Variants in EVC2 observed in about 807,000 individuals in gnomAD.
EVC2 encodes the protein EvC ciliary complex subunit 2.
Under a neutral mutation model 149.3 loss-of-function variants are expected in EVC2, and 148 were observed. That is an observed-to-expected ratio of 0.99 (90% confidence interval 0.87 to 1.14). The LOEUF is 1.14. EVC2 is among the 50% of genes most tolerant of loss of function. EVC2 has a pLI of 0.00. For missense variants in EVC2, 1,854 were observed against 1,627.3 expected (o/e 1.14, Z -2.40); for synonymous variants, 776 against 649.9 (o/e 1.19, Z -2.95).
intron 20 of EVC2, among the ~76,000 whole-genome samples, chr4:5,566,113 G>C (rs1388944665): frequency 6.6e-6 from 1 of 152,264 alleles, no homozygotes; most frequent in Non-Finnish European, 1.5e-5. Context: ...AAATACAGAA[G>C]TTGGGAAAGT....
At chr4:5,647,229 G>A (rs1476115357) in intron 9 of EVC2, among the ~76,000 whole-genome samples, 1 of 152,128 alleles carries the variant, frequency 6.6e-6, no homozygotes, top group Non-Finnish European at 1.5e-5. Flanking sequence ...AGCCTTCTGG[G>A]TAGATGAGGC....
At chr4:5,564,277 C>T (rs1722133289) in intron 21 of EVC2, among the ~76,000 whole-genome samples, 1 of 152,242 alleles carries the variant, frequency 6.6e-6, no homozygotes, top group African/African-American at 2.4e-5. Context: ...GTGGGACCAT[C>T]ATGTCTCTTG....
the EVC2 span, among the ~76,000 whole-genome samples, chr4:5,529,653 G>A: frequency 6.3e-3 from 960 of 152,224 alleles, 2 homozygotes; most frequent in Middle Eastern, 0.014. The surrounding 1 kb of genome is among the most constrained non-coding windows in gnomAD (Gnocchi z 4.5). Flanking sequence ...AAATACATTG[G>A]AAGCTTAATA....
At chr4:5,606,518 C>T (rs1488540256) in intron 16 of EVC2, among the ~76,000 whole-genome samples, 1 of 152,124 alleles carries the variant, frequency 6.6e-6, no homozygotes, top group African/African-American at 2.4e-5. Context: ...AAACTGATTC[C>T]AGGTAATTCA....
chr4:5,647,532 C>T (rs1233404103), intron 9 of EVC2, among the ~76,000 whole-genome samples: 1 of 152,156 alleles, frequency 6.6e-6, no homozygotes, highest in Non-Finnish European at 1.5e-5. Flanking sequence ...GAGCGCTTTG[C>T]AGGTTACAAA....
intron 11 of EVC2, among the ~76,000 whole-genome samples, 155 bp downstream of exon 11, chr4:5,631,638 C>T (rs1192186345): frequency 6.6e-6 from 1 of 152,062 alleles, no homozygotes; most frequent in African/African-American, 2.4e-5. Context: ...CACCATTTTC[C>T]CTGCTTACTG....
Position 5,691,249 on chromosome 4 carries a change from A to T in EVC2, c.519+16T>A, listed in dbSNP as rs1322245052. ...ATTATTTTCTCTTCAAATATACACC[A>T]CCAGTGGAAACTTACCAGTGCACAT... On this transcript the variant is annotated intron_variant, in intron 4 of 21. Transcript: ENST00000344408. 8 of 1,608,772 alleles carry T rather than the reference A, an allele frequency of 5.0e-6. No individual in the cohort carries two copies. Among genetic ancestry groups the T allele is most frequent in the Non-Finnish European group, 6.8e-6 (8 of 1,175,254 alleles).
chr4:5,612,802 G>C (rs917037711), intron 16 of EVC2, among the ~76,000 whole-genome samples: 20 of 151,580 alleles, frequency 1.3e-4, no homozygotes, highest in African/African-American at 4.6e-4. Flanking sequence ...GGCGCCTGTA[G>C]TCCCAGCTAC....
Position 5,633,325 on chromosome 4 carries a change from G to A in EVC2, c.1471-1293C>T, listed in dbSNP as rs1716686633. On this transcript the variant is annotated intron_variant, in intron 10 of 21. Coordinates refer to ENST00000344408, the MANE Select transcript of EVC2 (RefSeq NM_147127.5). This position sits in a 1 kb window ranked among gnomAD's most constrained non-coding sequence, Gnocchi z 4.4. ...CCAGCCTGCAACATCCTGAGCATAG[G>A]TCACAGTGAAGCTGTGCCCAGACTC... is the stretch of plus-strand genomic sequence containing the variant. 6.6e-6 allele frequency among the ~76,000 whole-genome samples: 1 copy of A among 152,210 alleles called. No individual in the cohort carries two copies. Among genetic ancestry groups the A allele is most frequent in the African/African-American group, 2.4e-5 (1 of 41,462 alleles).
chr4:5,680,742 T>C (rs948055345), intron 7 of EVC2, among the ~76,000 whole-genome samples: 2 of 152,246 alleles, frequency 1.3e-5, no homozygotes, highest in Non-Finnish European at 2.9e-5. Flanking sequence ...CTTAGAATGC[T>C]TGGCACCCAG....
Position 5,681,312 on chromosome 4 carries a change from T to C in EVC2, c.818A>G (p.Asn273Ser). 2 of 1,614,190 alleles carry C rather than the reference T, an allele frequency of 1.2e-6. No homozygotes were observed. The highest frequency in any genetic ancestry group is 8.5e-7 in the Non-Finnish European group (1 of 1,180,032). ...AAAAAGCACTTTCAGCTGTGTTCTG[T>C]TCTAGAAAAGGAAAAAAGAAAACAC... Reference protein sequence around the residue: ...AQLTFQSSSRNRTQLKVLFSI... With the variant: ...AQLTFQSSSRSRTQLKVLFSI... The change falls in exon 7 of 22, where the codon AAC becomes AGC. Residue 273 changes from asparagine to serine, a missense_variant and splice_region_variant. Transcript: ENST00000344408.
At chr4:5,695,220 C>T (rs554878483) in intron 2 of EVC2, among the ~76,000 whole-genome samples, 31 of 151,946 alleles carry the variant, frequency 2.0e-4, no homozygotes, top group South Asian at 4.2e-4. Flanking sequence ...AGGTGGTGTG[C>T]GCCTGTAGTC....
intron 9 of EVC2, among the ~76,000 whole-genome samples, chr4:5,652,234 C>T (rs534364621): frequency 3.3e-5 from 5 of 152,118 alleles, no homozygotes; most frequent in Non-Finnish European, 7.4e-5. Context: ...TGGAGAGCTC[C>T]AGGAGGGAGA....
chr4:5,554,747 C>A lies in EVC2; in HGVS notation c.3419+10511G>T, dbSNP rs186291174. 3.2e-3 allele frequency among the ~76,000 whole-genome samples: 488 copies of A among 152,252 alleles called. 2 individuals carry two copies. Among genetic ancestry groups the A allele is most frequent in the African/African-American group, 0.011 (466 of 41,546 alleles). ...ACATTAAGTCTATCATAGCCAGAAG[C>A]CCTTCCAGAGTATTTTGAAGCCAAT... is the stretch of plus-strand genomic sequence containing the variant. On this transcript the variant is annotated intron_variant and NMD_transcript_variant, in intron 21 of 22. Transcript: ENST00000475313.
chr4:5,665,854 C>G (rs1247032175), intron 7 of EVC2, among the ~76,000 whole-genome samples: 1 of 152,220 alleles, frequency 6.6e-6, no homozygotes, highest in Non-Finnish European at 1.5e-5. Flanking sequence ...GCATGACAAG[C>G]CTGTCAAAGA....
Position 5,640,855 on chromosome 4 carries a change from T to G in EVC2, c.1146-17A>C. 1 of 1,613,932 alleles carries G rather than the reference T, an allele frequency of 6.2e-7. No homozygotes were observed. The highest frequency in any genetic ancestry group is 8.5e-7 in the Non-Finnish European group (1 of 1,179,886). ...ATCTCCAACCTAGGAAACACAAAAATCAAAAGAATTCCATTACATGAAATT... is the reference window on the plus strand; with the variant it reads ...ATCTCCAACCTAGGAAACACAAAAAGCAAAAGAATTCCATTACATGAAATT... On this transcript the variant is annotated splice_polypyrimidine_tract_variant and intron_variant, in intron 9 of 21. Transcript: ENST00000344408. This position sits in a 1 kb window ranked among gnomAD's most constrained non-coding sequence, Gnocchi z 4.6.
rs1719549418 is a variant in EVC2 at position 5,670,208 on chromosome 4, CCAT to C, written c.871-4562_871-4560del. 6.6e-6 allele frequency among the ~76,000 whole-genome samples: 1 copy of C among 152,104 alleles called. No individual in the cohort carries two copies. The highest frequency in any genetic ancestry group is 1.5e-5 in the Non-Finnish European group (1 of 68,034). On this transcript the variant is annotated intron_variant, in intron 7 of 21. Coordinates refer to ENST00000344408, the MANE Select transcript of EVC2 (RefSeq NM_147127.5). The surrounding 1 kb of genome is among the most constrained non-coding windows in gnomAD (Gnocchi z 5.2). ...ATCATCACCAACATTAATATTACCACCATGATTATCAACATCATCAATATCCCC... is the reference window on the plus strand; with the variant it reads ...ATCATCACCAACATTAATATTACCACGATTATCAACATCATCAATATCCCC...
intron 9 of EVC2, among the ~76,000 whole-genome samples, chr4:5,659,249 G>T (rs945109763): frequency 6.6e-6 from 1 of 152,096 alleles, no homozygotes; most frequent in Non-Finnish European, 1.5e-5. Flanking sequence ...TAACTGATTT[G>T]CCAGAGAAAA....
At chr4:5,690,465 A>T (rs905548593) in intron 4 of EVC2, among the ~76,000 whole-genome samples, 1 of 151,234 alleles carries the variant, frequency 6.6e-6, no homozygotes, top group Admixed American at 6.6e-5. Flanking sequence ...GCTGATGCCA[A>T]TGAGTTGTGA....
Sources: allele counts gnomAD v4.1 joint callset (sites outside exome capture counted in the v4.1 genomes callset), GRCh38; gene constraint gnomAD v4.1.1; non-coding constraint Gnocchi (gnomAD v3.1); transcripts MANE v1.5; gene names NCBI Gene and HGNC (gene_info 2026-07-23, HGNC 2026-07-21).